Variants in SRGAP1 observed in about 807,000 individuals in gnomAD.
The protein encoded by SRGAP1 is SLIT-ROBO Rho GTPase-activating protein 1.
SRGAP1 carries 43 observed loss-of-function variants against 121.9 expected under a neutral mutation model. That is an observed-to-expected ratio of 0.35 (90% CI 0.28 to 0.46). The LOEUF is 0.46. SRGAP1 is among the 20% of genes least tolerant of loss of function. The probability of loss-of-function intolerance (pLI) is 1.00; values close to 1 mark genes in which losing one functional copy is unlikely to be tolerated. For missense variants in SRGAP1, 1,102 were observed against 1,350.9 expected (o/e 0.82, Z 2.89); for synonymous variants, 447 against 485.4 (o/e 0.92, Z 1.04).
chr12:63,882,342 C>T (rs530781026), intron 1 of SRGAP1, among the ~76,000 whole-genome samples: 19 of 152,104 alleles, frequency 1.2e-4, no homozygotes, highest in South Asian at 6.2e-4. Context: ...AGTGCAGTGG[C>T]GCAATCTCGG....
chr12:64,047,997 T>G (rs921953706), intron 6 of SRGAP1, among the ~76,000 whole-genome samples: 2 of 152,204 alleles, frequency 1.3e-5, no homozygotes, highest in Non-Finnish European at 2.9e-5. Flanking sequence ...TCCAATTATA[T>G]GTTTTTAGTT....
intron 8 of SRGAP1, among the ~76,000 whole-genome samples, chr12:64,076,722 C>T (rs1186189671): frequency 1.3e-5 from 2 of 152,094 alleles, no homozygotes; most frequent in Non-Finnish European, 2.9e-5. Context: ...TCTCAGCTCA[C>T]TGCACCCTCT....
rs558248193 is a variant in SRGAP1, at chr12:64,044,674, C to CTTTTTTTTTTTTTTTTTTTTTTTTTTTTT, written c.801+1124_801+1125insTTTTTTTTTTTTTTTTTTTTTTTTTTTTT. Among the ~76,000 whole-genome samples, 20 of 72,122 alleles carry CTTTTTTTTTTTTTTTTTTTTTTTTTTTTT rather than the reference C, an allele frequency of 2.8e-4. 5 individuals are homozygous for CTTTTTTTTTTTTTTTTTTTTTTTTTTTTT. Among genetic ancestry groups the CTTTTTTTTTTTTTTTTTTTTTTTTTTTTT allele is most frequent in the East Asian group, 6.9e-4 (2 of 2,884 alleles). 47.3% of individuals were successfully genotyped at this position (72,122 alleles called of 152,430 possible). A position where few individuals can be genotyped will look rare whatever the true frequency, so the allele number is the denominator to read the frequency against. ...AGCTTATTAACACTCTGATGTGCCTCTTTTTTTTTTTTTTTTTTTTTTTTT... is the reference window on the plus strand; with the variant it reads ...AGCTTATTAACACTCTGATGTGCCTCTTTTTTTTTTTTTTTTTTTTTTTTTTTTTTTTTTTTTTTTTTTTTTTTTTTTTT... On this transcript the variant is annotated intron_variant, in intron 6 of 21. Coordinates refer to ENST00000355086, the MANE Select transcript of SRGAP1 (RefSeq NM_020762.4).
intron 17 of SRGAP1, among the ~76,000 whole-genome samples, chr12:64,112,613 T>C (rs1165195368): frequency 6.6e-6 from 1 of 152,182 alleles, no homozygotes; most frequent in Non-Finnish European, 1.5e-5. Context: ...TATACCATAA[T>C]TTCTTTAATC....
intron 4 of SRGAP1, among the ~76,000 whole-genome samples, chr12:64,028,900 G>A (rs112877172): frequency 0.032 from 4,943 of 152,276 alleles, 276 homozygotes; most frequent in African/African-American, 0.11. Flanking sequence ...CATTCGTGAA[G>A]CATTCACTGT....
chr12:64,112,014 T>C (rs1217280322), intron 17 of SRGAP1, 28 bp downstream of exon 17: 19 of 1,559,152 alleles, frequency 1.2e-5, no homozygotes, highest in Non-Finnish European at 1.6e-5. Context: ...AGTCCTCCTC[T>C]CCCACCGAAA....
At chr12:63,983,797 A>AATATAT (rs71911661) in intron 1 of SRGAP1, 150 bp from the exon 2 acceptor site, 5 of 64,744 alleles carry the variant, frequency 7.7e-5, no homozygotes, top group Admixed American at 2.4e-4. Flanking sequence ...ATACATTTAA[A>AATATAT]ATATATATAT....
chr12:64,002,268 T>G (rs146817968), intron 3 of SRGAP1, among the ~76,000 whole-genome samples: 1 of 152,292 alleles, frequency 6.6e-6, no homozygotes, highest in African/African-American at 2.4e-5. Flanking sequence ...ACAGCAGCAG[T>G]GACACCAACA....
chr12:64,086,317 G>A (rs1423011915), intron 10 of SRGAP1, among the ~76,000 whole-genome samples: 3 of 152,076 alleles, frequency 2.0e-5, no homozygotes, highest in Non-Finnish European at 2.9e-5. Context: ...GCAGATTGTC[G>A]GAGCCCTACA....
chr12:63,964,595 G>T, intron 1 of SRGAP1, among the ~76,000 whole-genome samples: 1 of 152,124 alleles, frequency 6.6e-6, no homozygotes, highest in East Asian at 1.9e-4. Flanking sequence ...AAAGCATTAC[G>T]CTTGAGGCCT....
At chr12:63,922,807 G>A (rs1380284269) in intron 1 of SRGAP1, among the ~76,000 whole-genome samples, 2 of 152,140 alleles carry the variant, frequency 1.3e-5, no homozygotes, top group Non-Finnish European at 2.9e-5. Context: ...ATATTCATTT[G>A]TACAGAGTCT....
At chr12:63,995,017 C>G (rs923828665) in intron 3 of SRGAP1, among the ~76,000 whole-genome samples, 4 of 152,180 alleles carry the variant, frequency 2.6e-5, no homozygotes, top group African/African-American at 9.6e-5. Flanking sequence ...ATTTAAGCAC[C>G]TAATCACAAG....
At chr12:63,962,528 C>T (rs963527184) in intron 1 of SRGAP1, among the ~76,000 whole-genome samples, 5 of 152,122 alleles carry the variant, frequency 3.3e-5, no homozygotes, top group Non-Finnish European at 5.9e-5. Context: ...CTGCCTCGGC[C>T]TCCTGAGTAC....
chr12:63,995,599 G>C (rs1794458027), intron 3 of SRGAP1, among the ~76,000 whole-genome samples: 1 of 152,146 alleles, frequency 6.6e-6, no homozygotes, highest in South Asian at 2.1e-4. Flanking sequence ...ACTGAAGAAT[G>C]ATATTCTGGG....
chr12:64,103,239 C>T (rs889400534), intron 15 of SRGAP1, among the ~76,000 whole-genome samples: 1 of 152,188 alleles, frequency 6.6e-6, no homozygotes, highest in East Asian at 1.9e-4. Context: ...TCCTCGCCCT[C>T]CCAAAGTGCT....
chr12:64,160,751 A>C lies in SRGAP1; in HGVS notation c.*18079A>C, dbSNP rs1247934946. ...TCTCAGAGTGGCTCATTATCTGGAAAGTGTAAGAATGAGGTGGCAGAAAGA... is the reference window on the plus strand; with the variant it reads ...TCTCAGAGTGGCTCATTATCTGGAACGTGTAAGAATGAGGTGGCAGAAAGA... On this transcript the variant is annotated 3_prime_UTR_variant, in exon 22 of 22. Transcript: ENST00000355086. 1.3e-5 allele frequency: 2 copies of C among 152,168 alleles called. No homozygotes were observed. Among genetic ancestry groups the C allele is most frequent in the Non-Finnish European group, 2.9e-5 (2 of 68,034 alleles). The allele number at this position is 152,168 out of a possible 1,614,324, so 9.4% of individuals were successfully genotyped here.
intron 4 of SRGAP1, chr12:64,032,497 GC>G: frequency 8.7e-7 from 1 of 1,144,882 alleles, no homozygotes; most frequent in Non-Finnish European, 1.3e-6. Context: ...GGTTTATCCA[GC>G]AGCCAGGCAT....
At chr12:63,990,961 A>G (rs939997775) in intron 3 of SRGAP1, among the ~76,000 whole-genome samples, 5 of 152,140 alleles carry the variant, frequency 3.3e-5, no homozygotes, top group African/African-American at 1.2e-4. Context: ...CTCCTTCCCA[A>G]ATCCATTAAA....
intron 1 of SRGAP1, among the ~76,000 whole-genome samples, chr12:63,956,563 T>C (rs1045592223): frequency 6.6e-6 from 1 of 152,116 alleles, no homozygotes; most frequent in African/African-American, 2.4e-5. Flanking sequence ...GAGAAGCATA[T>C]GAAATAGACA....
Sources: gnomAD v4.1 joint callset for allele counts (sites outside exome capture counted in the v4.1 genomes callset) on GRCh38, gnomAD v4.1.1 for gene constraint, MANE v1.5 for transcripts, NCBI Gene and HGNC (gene_info 2026-07-23, HGNC 2026-07-21) for gene names.